LOC128092252: variants seen among roughly 807,000 people sequenced by gnomAD.
chr15:50,684,178 A>T, the LOC128092252 span, among the ~76,000 whole-genome samples: 1 of 146,846 alleles, frequency 6.8e-6, no homozygotes, highest in African/African-American at 2.5e-5. Flanking sequence ...TCTGAGACAG[A>T]GTCTCACTCT....
the LOC128092252 span, among the ~76,000 whole-genome samples, chr15:50,683,849 A>G: frequency 3.3e-5 from 5 of 152,324 alleles, no homozygotes; most frequent in Admixed American, 3.3e-4. Flanking sequence ...GAGTATTGTC[A>G]AAGTATGAAA....
At chr15:50,685,701 G>T in the LOC128092252 span, among the ~76,000 whole-genome samples, 1 of 152,088 alleles carries the variant, frequency 6.6e-6, no homozygotes, top group Non-Finnish European at 1.5e-5. Context: ...TGATGTAAAT[G>T]ACTTTCTTAA....
chr15:50,659,026 G>A, the LOC128092252 span, among the ~76,000 whole-genome samples: 34 of 151,686 alleles, frequency 2.2e-4, no homozygotes, highest in Non-Finnish European at 4.1e-4. Context: ...GTGAAACCCC[G>A]TCTCTACTAA....
At chr15:50,650,622 G>A in the LOC128092252 span, among the ~76,000 whole-genome samples, 1 of 152,046 alleles carries the variant, frequency 6.6e-6, no homozygotes, top group East Asian at 1.9e-4. Flanking sequence ...TTGAACCTGG[G>A]AGGCAGAGGT....
chr15:50,649,635 T>G, the LOC128092252 span, among the ~76,000 whole-genome samples: 3 of 152,070 alleles, frequency 2.0e-5, no homozygotes, highest in Non-Finnish European at 4.4e-5. Context: ...ATCTATATAG[T>G]GACAAAAGGG....
At chr15:50,670,217 T>G in the LOC128092252 span, among the ~76,000 whole-genome samples, 1 of 152,194 alleles carries the variant, frequency 6.6e-6, no homozygotes, top group Non-Finnish European at 1.5e-5. Context: ...ACCCTTAGGA[T>G]GAAGGATTCT....
At chr15:50,655,986 T>G in the LOC128092252 span, among the ~76,000 whole-genome samples, 1 of 141,820 alleles carries the variant, frequency 7.1e-6, no homozygotes, top group Non-Finnish European at 1.5e-5. Flanking sequence ...AGGGCAAGAC[T>G]CCATCTCAAA....
At chr15:50,661,678 C>T in the LOC128092252 span, among the ~76,000 whole-genome samples, 1 of 152,082 alleles carries the variant, frequency 6.6e-6, no homozygotes, top group Admixed American at 6.6e-5. Flanking sequence ...TAAAAACTGT[C>T]TATTTAGCTA....
At chr15:50,654,731 G>GCT in the LOC128092252 span, among the ~76,000 whole-genome samples, 1 of 150,788 alleles carries the variant, frequency 6.6e-6, no homozygotes, top group Admixed American at 6.6e-5. Context: ...GGGCGCAGTG[G>GCT]CTCACGCCTG....
At chr15:50,652,262 G>A in the LOC128092252 span, among the ~76,000 whole-genome samples, 1 of 148,910 alleles carries the variant, frequency 6.7e-6, no homozygotes, top group African/African-American at 2.5e-5. Context: ...GAACCTGGGA[G>A]GCGGAGATTG....
chr15:50,676,437 G>T, the LOC128092252 span, among the ~76,000 whole-genome samples: 1 of 152,014 alleles, frequency 6.6e-6, no homozygotes, highest in Non-Finnish European at 1.5e-5. Context: ...ATAAAAAAGA[G>T]GCTAGACACA....
At chr15:50,678,636 A>G in the LOC128092252 span, among the ~76,000 whole-genome samples, 1 of 151,818 alleles carries the variant, frequency 6.6e-6, no homozygotes, top group Non-Finnish European at 1.5e-5. Context: ...TAATAATTAG[A>G]TATTACTGAC....
chr15:50,650,124 C>G, the LOC128092252 span, among the ~76,000 whole-genome samples: 1 of 134,494 alleles, frequency 7.4e-6, no homozygotes, highest in Non-Finnish European at 1.5e-5. Flanking sequence ...ACCTGGGAGG[C>G]GCAGACCACA....
At chr15:50,662,003 A>C in the LOC128092252 span, among the ~76,000 whole-genome samples, 1 of 152,004 alleles carries the variant, frequency 6.6e-6, no homozygotes, top group African/African-American at 2.4e-5. Context: ...AGATGACCTC[A>C]GGTCAGGGGT....
the LOC128092252 span, among the ~76,000 whole-genome samples, chr15:50,685,799 C>A: frequency 6.6e-6 from 1 of 152,142 alleles, no homozygotes; most frequent in Admixed American, 6.5e-5. Context: ...CCATTCCGCA[C>A]CTTTCGGTTT....
chr15:50,660,612 A>G, the LOC128092252 span, among the ~76,000 whole-genome samples: 1 of 152,158 alleles, frequency 6.6e-6, no homozygotes, highest in Admixed American at 6.5e-5. Context: ...CAGTCTCCCA[A>G]AGTGCTGGAA....
the LOC128092252 span, among the ~76,000 whole-genome samples, chr15:50,659,997 T>A: frequency 0.59 from 89,668 of 152,020 alleles, 26,732 homozygotes; most frequent in African/African-American, 0.66. Context: ...AAGCAAAACA[T>A]CAATTTCTCC....
chr15:50,675,402 A>G, the LOC128092252 span, among the ~76,000 whole-genome samples: 1 of 151,626 alleles, frequency 6.6e-6, no homozygotes, highest in Non-Finnish European at 1.5e-5. Context: ...AATTTTGTTT[A>G]TTTCAAAAAC....
the LOC128092252 span, among the ~76,000 whole-genome samples, chr15:50,670,184 A>G: frequency 1.4e-4 from 21 of 152,172 alleles, no homozygotes; most frequent in Non-Finnish European, 2.5e-4. Context: ...AGGTTACAAA[A>G]GGTGTATCTT....
Sources: gnomAD v4.1 joint callset for allele counts (sites outside exome capture counted in the v4.1 genomes callset) on GRCh38, gnomAD v4.1.1 for gene constraint, MANE v1.5 for transcripts.